RASSF3: variants seen among roughly 807,000 people sequenced by gnomAD.
RASSF3 encodes the protein ras association domain-containing protein 3.
Under a neutral mutation model 19.9 loss-of-function variants are expected in RASSF3, and 19 were observed. That is an observed-to-expected ratio of 0.96 (90% CI 0.67 to 1.40). RASSF3 has a LOEUF of 1.40. Ranked by LOEUF, RASSF3 falls within the 40% of genes most tolerant of loss-of-function variation. The pLI, the probability that RASSF3 is intolerant of heterozygous loss-of-function variation, is 0.00. For missense variants in RASSF3, 306 were observed against 289.8 expected (o/e 1.06, Z -0.41); for synonymous variants, 110 against 104.2 (o/e 1.06, Z -0.34).
intron 1 of RASSF3, among the ~76,000 whole-genome samples, chr12:64,641,672 G>C (rs572039096): frequency 5.9e-5 from 9 of 151,404 alleles, no homozygotes; most frequent in African/African-American, 7.3e-5. Flanking sequence ...TGACTCCTAG[G>C]GGGCATTTAA....
At chr12:64,589,689 A>G (rs1869883059) in intron 2 of RASSF3, among the ~76,000 whole-genome samples, 1 of 151,998 alleles carries the variant, frequency 6.6e-6, no homozygotes, top group African/African-American at 2.4e-5. Context: ...AGGCCAAGGC[A>G]GGAAGATCAC....
chr12:64,631,313 G>A (rs1871158351), intron 1 of RASSF3, among the ~76,000 whole-genome samples: 1 of 152,162 alleles, frequency 6.6e-6, no homozygotes. Context: ...AAGGCCTGGG[G>A]TGGAACTGTG....
At chr12:64,539,707 T>A (rs1207970560) in intron 1 of RASSF3, among the ~76,000 whole-genome samples, 2 of 151,948 alleles carry the variant, frequency 1.3e-5, no homozygotes, top group Non-Finnish European at 2.9e-5. Context: ...ACCCAGATGG[T>A]TGAGGCTGCA....
chr12:64,552,730 T>G (rs555313604), intron 2 of RASSF3, among the ~76,000 whole-genome samples: 1 of 152,356 alleles, frequency 6.6e-6, no homozygotes, highest in East Asian at 1.9e-4. Context: ...GGCTGCATAG[T>G]ATTCCATAGT....
chr12:64,548,390 A>G (rs193023066), intron 2 of RASSF3, among the ~76,000 whole-genome samples: 72 of 151,998 alleles, frequency 4.7e-4, no homozygotes, highest in South Asian at 8.3e-4. Flanking sequence ...AGGTCTCACC[A>G]TCTTGGTCAG....
intron 1 of RASSF3, among the ~76,000 whole-genome samples, chr12:64,681,525 A>G (rs1873126283): frequency 6.6e-6 from 1 of 152,178 alleles, no homozygotes; most frequent in African/African-American, 2.4e-5. Context: ...TGCCCTGCCA[A>G]CTTCCCATCC....
chr12:64,626,437 G>C (rs1350157524), intron 1 of RASSF3, among the ~76,000 whole-genome samples: 1 of 133,134 alleles, frequency 7.5e-6, no homozygotes, highest in Non-Finnish European at 1.5e-5. Flanking sequence ...GCAGTGAGCC[G>C]ACATCATGCC....
rs9739220 is a variant in RASSF3, at chr12:64,647,487, T to G, written c.111+36744T>G. On this transcript the variant is annotated intron_variant, in intron 1 of 4. Coordinates refer to ENST00000542104, the MANE Select transcript of RASSF3 (RefSeq NM_178169.4). ...GTGCAATGGCATGATCTTGGCTCACTGCAACCTCCGCCTCCCGATTTCAAG... is the reference window on the plus strand; with the variant it reads ...GTGCAATGGCATGATCTTGGCTCACGGCAACCTCCGCCTCCCGATTTCAAG... 2.6e-3 allele frequency among the ~76,000 whole-genome samples: 389 copies of G among 151,176 alleles called. 2 individuals are homozygous for G. The highest frequency in any genetic ancestry group is 9.1e-3 in the African/African-American group (376 of 41,180).
At chr12:64,544,250 T>C (rs1304896080), downstream of RASSF3, among the ~76,000 whole-genome samples, 1 of 150,290 alleles carries the variant, frequency 6.7e-6, no homozygotes, top group African/African-American at 2.4e-5. Flanking sequence ...CCGGGAGGAA[T>C]GAACAACTCC....
At chr12:64,634,640 A>G (rs1871270234) in intron 1 of RASSF3, among the ~76,000 whole-genome samples, 1 of 151,970 alleles carries the variant, frequency 6.6e-6, no homozygotes, top group African/African-American at 2.4e-5. Context: ...AGGCACCTGT[A>G]TTCTCGGCTA....
At chr12:64,580,575 AACACACACACACACACACACACAC>A (rs201737911) in intron 2 of RASSF3, among the ~76,000 whole-genome samples, 2 of 141,310 alleles carry the variant, frequency 1.4e-5, no homozygotes, top group African/African-American at 2.7e-5. Context: ...TTTTTAGGAA[AACACACACACACACACACACACAC>A]ACACACACAC....
intron 1 of RASSF3, among the ~76,000 whole-genome samples, chr12:64,640,704 G>A (rs143979963): frequency 1.3e-5 from 2 of 152,174 alleles, no homozygotes; most frequent in African/African-American, 4.8e-5. Flanking sequence ...GTGCAGTGGT[G>A]CAGTCATGGC....
intron 2 of RASSF3, among the ~76,000 whole-genome samples, chr12:64,603,907 G>A (rs1235258689): frequency 6.6e-6 from 1 of 152,092 alleles, no homozygotes; most frequent in Non-Finnish European, 1.5e-5. Flanking sequence ...GAGTGCAGTG[G>A]CACGATCTTG....
At chr12:64,513,708 A>G (rs1159080869) in intron 1 of RASSF3, among the ~76,000 whole-genome samples, 3 of 152,120 alleles carry the variant, frequency 2.0e-5, no homozygotes, top group East Asian at 3.8e-4. Context: ...TCAAATCTCA[A>G]GAACCTCCAA....
intron 2 of RASSF3, among the ~76,000 whole-genome samples, chr12:64,558,406 T>A (rs1317887619): frequency 6.6e-6 from 1 of 152,130 alleles, no homozygotes; most frequent in Non-Finnish European, 1.5e-5. Flanking sequence ...GACACAAAAA[T>A]TTTCATACTC....
rs369978385 is a variant in RASSF3 at position 64,552,992 on chromosome 12, C to T, written c.294+11287C>T. Among the ~76,000 whole-genome samples the T allele has an allele frequency of 1.9e-4, 29 of 152,142 alleles. No homozygotes were observed. In the South Asian group the frequency reaches 4.4e-3, roughly 23 times the overall value. ...TTGGGAGGCCAAGGCGGGTGGATCA[C>T]GAGGTCAGGAGATCGAGACCAGCCT... is the stretch of plus-strand genomic sequence containing the variant. On this transcript the variant is annotated intron_variant, in intron 2 of 5. Transcript: ENST00000637125.
intron 2 of RASSF3, among the ~76,000 whole-genome samples, chr12:64,570,401 CATA>C (rs1207854567): frequency 6.6e-6 from 1 of 152,104 alleles, no homozygotes; most frequent in African/African-American, 2.4e-5. Flanking sequence ...ATCTGGGCAT[CATA>C]ATAATAATAT....
At chr12:64,654,641 TGC>T (rs1274298356) in intron 1 of RASSF3, 2 of 11,112 alleles carry the variant, frequency 1.8e-4, no homozygotes, top group East Asian at 2.9e-3. Flanking sequence ...CGTGTTTCTT[TGC>T]GGGGGGGGGG....
intron 1 of RASSF3, among the ~76,000 whole-genome samples, chr12:64,615,741 TCTCGG>T (rs1001349037): frequency 2.0e-5 from 3 of 151,066 alleles, no homozygotes; most frequent in Admixed American, 6.6e-5. Context: ...AGTGGTGTGA[TCTCGG>T]CTCTGCAACA....
Sources: allele counts gnomAD v4.1 joint callset (sites outside exome capture counted in the v4.1 genomes callset), GRCh38; gene constraint gnomAD v4.1.1; transcripts MANE v1.5; gene names NCBI Gene and HGNC (gene_info 2026-07-23, HGNC 2026-07-21).